The following LRRC7 variants were observed in gnomAD, a reference collection of about 807,000 sequenced individuals.
LRRC7 encodes leucine-rich repeat-containing protein 7.
Under a neutral mutation model 175.7 loss-of-function variants are expected in LRRC7, and 23 were observed. That is an observed-to-expected ratio of 0.13 (90% CI 0.09 to 0.19). The LOEUF is 0.19. Ranked by LOEUF, LRRC7 falls within the 10% of genes least tolerant of loss-of-function variation. The pLI is 1.00. For missense variants in LRRC7, 1,354 were observed against 1,904.7 expected (o/e 0.71, Z 5.38); for synonymous variants, 685 against 680.9 (o/e 1.01, Z -0.09).
chr1:69,918,329 C>T lies in LRRC7; in HGVS notation c.648-13178C>T, dbSNP rs555573948. On this transcript the variant is annotated intron_variant, in intron 7 of 26. Transcript: ENST00000651989. ...ACAGGGCGCCTGCCACAAAGAAGCA[C>T]GTTATAGGAATGAATGAATGAATGA... 1.6e-3 allele frequency among the ~76,000 whole-genome samples: 246 copies of T among 152,128 alleles called. 1 individual carries two copies. Among genetic ancestry groups the T allele is most frequent in the Non-Finnish European group, 2.2e-3 (152 of 68,022 alleles).
chr1:69,867,717 T>C (rs1031057046), intron 7 of LRRC7, among the ~76,000 whole-genome samples: 58 of 152,116 alleles, frequency 3.8e-4, no homozygotes, highest in African/African-American at 1.3e-3. Context: ...TGACTGAGTT[T>C]GAATTGAGAA....
intron 24 of LRRC7, among the ~76,000 whole-genome samples, chr1:70,078,908 ATT>A (rs901075623): frequency 1.2e-4 from 18 of 152,076 alleles, no homozygotes; most frequent in African/African-American, 4.1e-4. Flanking sequence ...GAAATAGAAT[ATT>A]TTAAGAATTC....
chr1:69,722,004 A>G (rs1666408751), intron 2 of LRRC7, among the ~76,000 whole-genome samples: 1 of 151,952 alleles, frequency 6.6e-6, no homozygotes, highest in Non-Finnish European at 1.5e-5. Flanking sequence ...AAAAGCTTCT[A>G]AATGATAAAC....
intron 22 of LRRC7, among the ~76,000 whole-genome samples, chr1:70,048,778 C>T (rs1660527590): frequency 6.6e-6 from 1 of 152,028 alleles, no homozygotes; most frequent in African/African-American, 2.4e-5. Context: ...TTTTCAGATC[C>T]ACTTGCGTTT....
At chr1:69,755,404 G>GTATA (rs150853081) in intron 2 of LRRC7, among the ~76,000 whole-genome samples, 1 of 146,486 alleles carries the variant, frequency 6.8e-6, no homozygotes. Flanking sequence ...ATATGCAAAA[G>GTATA]TATATATATA....
chr1:69,829,807 A>G (rs1360921751), intron 5 of LRRC7, among the ~76,000 whole-genome samples: 1 of 151,830 alleles, frequency 6.6e-6, no homozygotes, highest in Non-Finnish European at 1.5e-5. Flanking sequence ...AGTAAAGGCA[A>G]CTTATGATTG....
intron 8 of LRRC7, among the ~76,000 whole-genome samples, chr1:69,960,571 G>A (rs1176313012): frequency 1.3e-5 from 2 of 151,380 alleles, no homozygotes; most frequent in African/African-American, 2.4e-5. Flanking sequence ...TCTGATGTTG[G>A]GTTGTTAAAT....
chr1:69,615,891 AC>A (rs35362608), intron 1 of LRRC7, among the ~76,000 whole-genome samples: 1 of 151,738 alleles, frequency 6.6e-6, no homozygotes, highest in East Asian at 1.9e-4. Context: ...CTATGGCTAA[AC>A]CCCCCACTTA....
intron 4 of LRRC7, among the ~76,000 whole-genome samples, chr1:69,800,424 G>C (rs531044254): frequency 6.6e-6 from 1 of 151,904 alleles, no homozygotes; most frequent in Non-Finnish European, 1.5e-5. Context: ...TGTTTCACCA[G>C]TGTATTGTAG....
intron 2 of LRRC7, among the ~76,000 whole-genome samples, chr1:69,739,887 A>G (rs913074480): frequency 6.6e-6 from 1 of 152,116 alleles, no homozygotes; most frequent in Non-Finnish European, 1.5e-5. Context: ...AATTATCATT[A>G]AGCAAACTGA....
intron 7 of LRRC7, among the ~76,000 whole-genome samples, chr1:69,854,004 G>A (rs993219416): frequency 6.6e-6 from 1 of 152,140 alleles, no homozygotes; most frequent in Non-Finnish European, 1.5e-5. Flanking sequence ...TTTATCCACA[G>A]AATAAGCATT....
At chr1:69,875,776 A>T (rs1171642158) in intron 7 of LRRC7, among the ~76,000 whole-genome samples, 1 of 152,102 alleles carries the variant, frequency 6.6e-6, no homozygotes, top group Admixed American at 6.6e-5. Flanking sequence ...ATATTGAAAT[A>T]ATTGTATTGA....
At chr1:69,690,702 T>G (rs1661750406) in intron 2 of LRRC7, among the ~76,000 whole-genome samples, 1 of 152,164 alleles carries the variant, frequency 6.6e-6, no homozygotes, top group South Asian at 2.1e-4. Flanking sequence ...CTGAGACAGC[T>G]GGATTTGCCC....
chr1:69,701,766 A>G (rs533361865), intron 2 of LRRC7, among the ~76,000 whole-genome samples: 1 of 152,330 alleles, frequency 6.6e-6, no homozygotes, highest in East Asian at 1.9e-4. Flanking sequence ...TTATTAAATT[A>G]TAGAAAACTT....
Position 69,952,860 on chromosome 1 carries a change from C to T in LRRC7, c.711+21290C>T, listed in dbSNP as rs910358073. Among the ~76,000 whole-genome samples the T allele has an allele frequency of 3.3e-5, 5 of 151,820 alleles. No homozygotes were observed. In the Admixed American group the frequency reaches 3.3e-4, roughly 10 times the overall value. On this transcript the variant is annotated intron_variant, in intron 8 of 26. Transcript: ENST00000651989. The stretch of plus-strand genomic sequence containing the variant: ...AGCCCTCCTTTGGAGAACAAAACAA[C>T]CTCCATTAATCAGTCAACAGAAATT...
At chr1:69,786,100 T>A (rs1228674544) in intron 3 of LRRC7, among the ~76,000 whole-genome samples, 3 of 152,164 alleles carry the variant, frequency 2.0e-5, no homozygotes, top group Non-Finnish European at 4.4e-5. Context: ...TTTTAAATGA[T>A]GTTATGTTTC....
intron 3 of LRRC7, among the ~76,000 whole-genome samples, chr1:69,761,912 C>T (rs575031274): frequency 6.6e-6 from 1 of 152,016 alleles, no homozygotes; most frequent in Non-Finnish European, 1.5e-5. Flanking sequence ...TGTGGTAACC[C>T]ATTCTAATTT....
At chr1:69,747,945 A>G (rs1273953552) in intron 2 of LRRC7, among the ~76,000 whole-genome samples, 4 of 151,960 alleles carry the variant, frequency 2.6e-5, no homozygotes, top group Non-Finnish European at 5.9e-5. Context: ...TTGCAGAAGG[A>G]CTCTTGAATT....
chr1:70,030,769 A>G (rs757691269), intron 18 of LRRC7, among the ~76,000 whole-genome samples: 1 of 152,254 alleles, frequency 6.6e-6, no homozygotes, highest in Non-Finnish European at 1.5e-5. Flanking sequence ...AAAATAAATA[A>G]GGTAAAAAGA....
Sources: allele counts gnomAD v4.1 joint callset (sites outside exome capture counted in the v4.1 genomes callset), GRCh38; gene constraint gnomAD v4.1.1; transcripts MANE v1.5; gene names NCBI Gene and HGNC (gene_info 2026-07-23, HGNC 2026-07-21).